Variants in STEAP1 observed in about 807,000 individuals in gnomAD.
STEAP1 encodes STEAP family member 1, also known as STEAP1 protein.
In STEAP1, 30 loss-of-function variants were observed where a neutral mutation model predicts 34.4. The ratio of observed to expected loss-of-function variants is 0.87; its 90% CI spans 0.65 to 1.18. The LOEUF (loss-of-function observed/expected upper bound fraction) is 1.18. STEAP1 is among the 50% of genes most tolerant of loss of function. The pLI, the probability that STEAP1 is intolerant of heterozygous loss-of-function variation, is 0.00. For synonymous variants in STEAP1, 116 were observed against 135.3 expected (o/e 0.86, Z 0.99); for missense variants, 318 against 391.1 (o/e 0.81, Z 1.58).
chr7:90,154,772 T>A (rs1584191030), intron 1 of STEAP1, among the ~76,000 whole-genome samples: 1 of 151,878 alleles, frequency 6.6e-6, no homozygotes, highest in Admixed American at 6.6e-5. Flanking sequence ...GGGCCGGGGG[T>A]TGGGGAGAGC....
In STEAP1 at chr7:90,162,323, TTTTGTTTG is replaced by T. The variant is rs557216277; in HGVS notation, c.762+257_762+264del. The T allele has an allele frequency of 2.0e-5, 12 of 605,960 alleles. No homozygotes were observed. In the African/African-American group the frequency reaches 2.3e-4, roughly 12 times the overall value. The allele number at this position is 605,960 out of a possible 1,614,324, so 37.5% of individuals were successfully genotyped here. On this transcript the variant is annotated intron_variant, in intron 4 of 4. Coordinates refer to ENST00000297205, the MANE Select transcript of STEAP1 (RefSeq NM_012449.3). ...TGTTTTTTTTTTTTGTTTGTTTGTTTTTTGTTTGTTTGTTTGTTTTTTTGAGATGAAGT... is the reference window on the plus strand; with the variant it reads ...TGTTTTTTTTTTTTGTTTGTTTGTTTTTTGTTTGTTTTTTTGAGATGAAGT...
Position 90,161,369 on chromosome 7 carries a change from C to T in STEAP1, c.597+52C>T, listed in dbSNP as rs1287750969. 5 of 1,531,932 alleles carry T rather than the reference C, an allele frequency of 3.3e-6. No individual in the cohort carries two copies. The African/African-American group carries it at 4.2e-5, about 13-fold the overall frequency. The allele number at this position is 1,531,932 out of a possible 1,614,324, so 94.9% of individuals were successfully genotyped here. A position where few individuals can be genotyped will look rare whatever the true frequency, so the allele number is the denominator to read the frequency against. On this transcript the variant is annotated intron_variant, in intron 3 of 4. Transcript: ENST00000297205. The stretch of plus-strand genomic sequence containing the variant: ...CTAATAAAAAGTCTAAGTCACCTAA[C>T]AAATTAATCATTTCTCATTGTAATA...
intron 1 of STEAP1, among the ~76,000 whole-genome samples, chr7:90,158,338 T>C (rs539180768): frequency 2.2e-4 from 34 of 152,352 alleles, no homozygotes; most frequent in African/African-American, 7.7e-4. Context: ...TATTAACTTA[T>C]TGTTTTTACT....
intron 4 of STEAP1, chr7:90,162,982 TA>T: frequency 2.5e-6 from 1 of 402,520 alleles, no homozygotes; most frequent in South Asian, 1.8e-5. Flanking sequence ...AGATTATCCA[TA>T]AGAAGAGTGA....
intron 4 of STEAP1, 116 bp downstream of exon 4, chr7:90,162,194 T>C (rs555692489): frequency 2.9e-6 from 4 of 1,396,796 alleles, no homozygotes; most frequent in Non-Finnish European, 3.7e-6. Flanking sequence ...GCAAAGATCT[T>C]ATACTTGTTC....
intron 3 of STEAP1, 92 bp from the exon 4 acceptor site, chr7:90,161,822 A>G: frequency 6.7e-7 from 1 of 1,490,562 alleles, no homozygotes; most frequent in Non-Finnish European, 8.9e-7. Flanking sequence ...TCAGGGCTTC[A>G]TAGTAGGCAC....
chr7:90,159,906 AT>A, intron 2 of STEAP1, 34 bp downstream of exon 2: 1 of 1,357,722 alleles, frequency 7.4e-7, no homozygotes, highest in Non-Finnish European at 9.8e-7. Flanking sequence ...ATAAATAATA[AT>A]TTACATCTTT....
intron 1 of STEAP1, among the ~76,000 whole-genome samples, chr7:90,158,958 T>C (rs1268668322): frequency 6.6e-6 from 1 of 152,208 alleles, no homozygotes; most frequent in Non-Finnish European, 1.5e-5. Context: ...ATCTAATCTG[T>C]TTTTCTCATT....
At chr7:90,155,911 G>A (rs1277678892) in intron 1 of STEAP1, among the ~76,000 whole-genome samples, 3 of 152,168 alleles carry the variant, frequency 2.0e-5, no homozygotes, top group Non-Finnish European at 4.4e-5. Flanking sequence ...AGAAGACAGC[G>A]CTGAGCCTTT....
intron 1 of STEAP1, among the ~76,000 whole-genome samples, chr7:90,157,773 C>T (rs1004295817): frequency 2.6e-5 from 4 of 152,176 alleles, no homozygotes; most frequent in African/African-American, 4.8e-5. Context: ...AAAAGCAACT[C>T]GTTATTCTTT....
chr7:90,159,369 A>C (rs1794153348), intron 1 of STEAP1, among the ~76,000 whole-genome samples: 1 of 152,232 alleles, frequency 6.6e-6, no homozygotes, highest in Non-Finnish European at 1.5e-5. Context: ...TCCAGCCTCC[A>C]TTGATGACAT....
intron 2 of STEAP1, among the ~76,000 whole-genome samples, 189 bp downstream of exon 2, chr7:90,160,061 T>G (rs954794025): frequency 7.2e-5 from 11 of 152,218 alleles, no homozygotes; most frequent in Non-Finnish European, 5.9e-5. Context: ...GTACCTTCAC[T>G]GATTGTCAGG....
In STEAP1 at chr7:90,161,158, G is replaced by A; in HGVS notation, c.438G>A (p.Lys146=). Residue 146 remains lysine (K), a synonymous_variant, in exon 3 of 5, where the codon AAG becomes AAA. Transcript: ENST00000297205. ...AAIVQLHNGT[K]YKKFPHWLDK... is the part of the protein sequence containing the mutation. ...TTGTCCAACTTCATAATGGAACCAA[G>A]TATAAGAAGTTTCCACATTGGTTGG... The A allele has an allele frequency of 6.2e-7, 1 of 1,613,984 alleles. No homozygotes were observed.
chr7:90,164,421 G>A, intron 4 of STEAP1, 56 bp from the exon 5 acceptor site: 1 of 1,536,756 alleles, frequency 6.5e-7, no homozygotes, highest in South Asian at 1.3e-5. Flanking sequence ...AGATGAGGTA[G>A]GATGGGATAA....
chr7:90,162,282 G>A (rs1179848785), intron 4 of STEAP1: 1 of 726,596 alleles, frequency 1.4e-6, no homozygotes, highest in Non-Finnish European at 1.9e-6. Flanking sequence ...TAAATAAAAG[G>A]CATTAAAATA....
At chr7:90,164,398 A>T in intron 4 of STEAP1, 79 bp from the exon 5 acceptor site, 1 of 1,445,852 alleles carries the variant, frequency 6.9e-7, no homozygotes, top group Admixed American at 2.3e-5. Context: ...TTTCCAAGCA[A>T]CAGAGCATAT....
intron 4 of STEAP1, among the ~76,000 whole-genome samples, chr7:90,163,682 G>C (rs979745994): frequency 6.6e-6 from 1 of 152,158 alleles, no homozygotes; most frequent in African/African-American, 2.4e-5. Flanking sequence ...CCAGTAAAGT[G>C]AATAGAGGTC....
At chr7:90,158,753 T>C (rs758073777) in intron 1 of STEAP1, among the ~76,000 whole-genome samples, 13 of 152,214 alleles carry the variant, frequency 8.5e-5, no homozygotes, top group Non-Finnish European at 1.9e-4. Flanking sequence ...TACTAGGCAA[T>C]AGGAATTTTT....
intron 4 of STEAP1, 200 bp downstream of exon 4, chr7:90,162,278 A>C (rs11563455): frequency 0.22 from 161,366 of 744,356 alleles, 18,739 homozygotes; most frequent in Middle Eastern, 0.31. Context: ...GACATAAATA[A>C]AAGGCATTAA....
Sources: gnomAD v4.1 joint callset for allele counts (sites outside exome capture counted in the v4.1 genomes callset) on GRCh38, gnomAD v4.1.1 for gene constraint, MANE v1.5 for transcripts, NCBI Gene and HGNC (gene_info 2026-07-23, HGNC 2026-07-21) for gene names.